Variants in SMYD2 observed in about 807,000 individuals in gnomAD.
The protein encoded by SMYD2 is SET and MYND domain containing 2.
In SMYD2, 53 loss-of-function variants were observed where a neutral mutation model predicts 59.1. That is an observed-to-expected ratio of 0.90 (90% CI 0.72 to 1.13). The LOEUF (loss-of-function observed/expected upper bound fraction) is 1.13, where lower values mean the gene tolerates loss of function less well. SMYD2 is among the 50% of genes most tolerant of loss of function. The probability of loss-of-function intolerance (pLI) is 0.00; values close to 1 mark genes in which losing one functional copy is unlikely to be tolerated. For missense variants in SMYD2, 494 were observed against 544.7 expected, an observed-to-expected ratio of 0.91 and a Z score of 0.93; for synonymous variants, 208 against 198.8, an observed-to-expected ratio of 1.05 and a Z score of -0.39.
rs367719620 is a variant in SMYD2, at chr1:214,330,933, G to T, written c.817-17G>T. 305 of 1,613,872 alleles carry T rather than the reference G, an allele frequency of 1.9e-4. 1 individual carries two copies. The highest frequency in any genetic ancestry group is 1.7e-3 in the Middle Eastern group (10 of 5,872). ...CCATGGGCGGTAACGCCTTGCCCTT[G>T]TGGACGTTTCCTTCAGGATAAGGCC... On this transcript the variant is annotated splice_polypyrimidine_tract_variant and intron_variant, in intron 8 of 11. Coordinates refer to ENST00000366957, the MANE Select transcript of SMYD2 (RefSeq NM_020197.3).
At chr1:214,334,492 C>G (rs1223575832) in intron 11 of SMYD2, among the ~76,000 whole-genome samples, 184 bp downstream of exon 11, 2 of 152,158 alleles carry the variant, frequency 1.3e-5, no homozygotes, top group African/African-American at 4.8e-5. Context: ...GAGTGCACCT[C>G]TGCTGTGTTT....
intron 7 of SMYD2, 85 bp from the exon 8 acceptor site, chr1:214,330,083 C>A: frequency 1.2e-6 from 1 of 842,690 alleles, no homozygotes; most frequent in Non-Finnish European, 1.9e-6. Context: ...TGCATGGGCC[C>A]TGCAGGTGAC....
At chr1:214,323,340 A>G (rs894412974) in intron 5 of SMYD2, among the ~76,000 whole-genome samples, 1 of 152,200 alleles carries the variant, frequency 6.6e-6, no homozygotes, top group Admixed American at 6.5e-5. Flanking sequence ...AGAACAGTAC[A>G]TAAGTTAGGC....
intron 1 of SMYD2, among the ~76,000 whole-genome samples, chr1:214,282,598 C>T (rs1487440393): frequency 6.6e-6 from 1 of 152,144 alleles, no homozygotes; most frequent in African/African-American, 2.4e-5. Flanking sequence ...TACTCAATCT[C>T]TCAGACCTGT....
chr1:214,313,486 T>C (rs1230325014), intron 2 of SMYD2, among the ~76,000 whole-genome samples: 4 of 151,052 alleles, frequency 2.6e-5, no homozygotes, highest in African/African-American at 9.8e-5. Context: ...TCCATCAGTA[T>C]ACAACGTGCT....
chr1:214,309,207 A>C (rs985935573), intron 2 of SMYD2, among the ~76,000 whole-genome samples: 1 of 152,188 alleles, frequency 6.6e-6, no homozygotes, highest in South Asian at 2.1e-4. Context: ...GTGCCAGAGG[A>C]AAGATTTTAA....
At chr1:214,324,381 T>A (rs1321936782) in intron 5 of SMYD2, among the ~76,000 whole-genome samples, 1 of 152,150 alleles carries the variant, frequency 6.6e-6, no homozygotes, top group Non-Finnish European at 1.5e-5. Context: ...GTCTTGGGGG[T>A]CTTTGGCGTG....
At chr1:214,322,180 CT>C (rs1353290621) in intron 5 of SMYD2, among the ~76,000 whole-genome samples, 2 of 152,172 alleles carry the variant, frequency 1.3e-5, no homozygotes, top group African/African-American at 2.4e-5. Flanking sequence ...TTGTTTCATT[CT>C]GAAAACATTT....
At chr1:214,293,011 TTGTGTGTGTGTG>T (rs58012666) in intron 1 of SMYD2, among the ~76,000 whole-genome samples, 17,933 of 137,240 alleles carry the variant, frequency 0.13, 1,681 homozygotes, top group East Asian at 0.46. Flanking sequence ...CTTTTTCTGT[TTGTGTGTGTGTG>T]TGTGTGTGTG....
rs1657123965 is a variant in SMYD2 at position 214,318,720 on chromosome 1, C to T, written c.410-139C>T. On this transcript the variant is annotated intron_variant, in intron 4 of 11. Transcript: ENST00000366957. This position sits in a 1 kb window ranked among gnomAD's most constrained non-coding sequence, Gnocchi z 5.4. ...AAACCAAGTAATGGGGAAGAATGTT[C>T]TCTGGGGGTTCAACATGTTAGTTTT... 21 of 994,508 alleles carry T rather than the reference C, an allele frequency of 2.1e-5. No homozygotes were observed. The East Asian group carries it at 4.7e-4, about 22-fold the overall frequency. 61.6% of individuals were successfully genotyped at this position (994,508 alleles called of 1,614,324 possible).
intron 1 of SMYD2, among the ~76,000 whole-genome samples, chr1:214,286,691 C>A (rs901054170): frequency 6.9e-6 from 1 of 144,106 alleles, no homozygotes; most frequent in Non-Finnish European, 1.5e-5. Flanking sequence ...ACCTAGGAAC[C>A]CAGGAGGCAG....
At chr1:214,296,730 T>G (rs1000340206) in intron 1 of SMYD2, among the ~76,000 whole-genome samples, 14 of 151,900 alleles carry the variant, frequency 9.2e-5, no homozygotes, top group Admixed American at 7.2e-4. Context: ...AAAGGACTAG[T>G]AACTTGCCCA....
intron 1 of SMYD2, among the ~76,000 whole-genome samples, chr1:214,289,917 T>C (rs113199258): frequency 7.2e-5 from 11 of 152,348 alleles, no homozygotes; most frequent in African/African-American, 2.6e-4. Flanking sequence ...CCTTCACTTC[T>C]TTGGATTTCT....
In SMYD2 at chr1:214,310,503, A is replaced by ATTTT. The variant is rs10699247; in HGVS notation, c.238-4244_238-4241dup. 7.5e-3 allele frequency among the ~76,000 whole-genome samples: 1,017 copies of ATTTT among 136,410 alleles called. 13 individuals are homozygous for ATTTT. Among genetic ancestry groups the ATTTT allele is most frequent in the African/African-American group, 0.021 (771 of 36,282 alleles). 89.5% of individuals were successfully genotyped at this position (136,410 alleles called of 152,430 possible). ...CTGTGCTTATATGTGTATTTTATTA[A>ATTTT]TTTTTTTTTTTTTTTTTTGGAAAAT... On this transcript the variant is annotated intron_variant, in intron 2 of 11. Transcript: ENST00000366957.
chr1:214,325,289 A>G (rs2102475104), intron 6 of SMYD2, among the ~76,000 whole-genome samples: 1 of 152,378 alleles, frequency 6.6e-6, no homozygotes. Flanking sequence ...GGAGATCTTT[A>G]TAGATCTGAC....
At chr1:214,327,839 C>A in intron 7 of SMYD2, 115 bp downstream of exon 7, 1 of 840,458 alleles carries the variant, frequency 1.2e-6, no homozygotes, top group South Asian at 1.6e-5. Flanking sequence ...ATGCCTCCAG[C>A]AGTTTAGCTG....
chr1:214,335,961 A>G (rs1237477702), intron 11 of SMYD2, among the ~76,000 whole-genome samples: 1 of 152,238 alleles, frequency 6.6e-6, no homozygotes, highest in Non-Finnish European at 1.5e-5. Flanking sequence ...TAGTTTAGCT[A>G]CGTCTTGCAG....
rs371457260 is a variant in SMYD2 at position 214,314,205 on chromosome 1, C to T, written c.238-557C>T. On this transcript the variant is annotated intron_variant, in intron 2 of 11. Transcript: ENST00000366957. The stretch of plus-strand genomic sequence containing the variant: ...AAAAAAAAGGAAAGAAAGAATACTA[C>T]TGTTTTATCCAGTGCATCTTTGGGA... 1.1e-3 allele frequency among the ~76,000 whole-genome samples: 162 copies of T among 152,092 alleles called. 1 individual carries two copies. The South Asian group carries it at 0.033, about 31-fold the overall frequency.
chr1:214,321,833 T>G (rs1212461578), intron 5 of SMYD2, among the ~76,000 whole-genome samples: 1 of 152,228 alleles, frequency 6.6e-6, no homozygotes, highest in African/African-American at 2.4e-5. Flanking sequence ...AAGTTCACTT[T>G]TCTTCTCTAG....
Sources: gnomAD v4.1 joint callset for allele counts (sites outside exome capture counted in the v4.1 genomes callset) on GRCh38, gnomAD v4.1.1 for gene constraint, Gnocchi (gnomAD v3.1) non-coding constraint, MANE v1.5 for transcripts, NCBI Gene and HGNC (gene_info 2026-07-23, HGNC 2026-07-21) for gene names.